Variants in INSR observed in about 807,000 individuals in gnomAD.
INSR encodes insulin receptor, also known as IR.
A neutral mutation model predicts 142.6 loss-of-function variants in INSR; 67 were observed. That is an observed-to-expected ratio of 0.47 (90% confidence interval 0.39 to 0.58). The LOEUF (loss-of-function observed/expected upper bound fraction) is 0.58, where lower values mean the gene tolerates loss of function less well. Among genes scored for constraint, INSR ranks in the 20% least tolerant of loss-of-function variants. The pLI, the probability that INSR is intolerant of heterozygous loss-of-function variation, is 0.00. For missense variants in INSR, 1,248 were observed against 1,833.2 expected (o/e 0.68, Z 5.83); for synonymous variants, 756 against 743.1 (o/e 1.02, Z -0.28).
intron 9 of INSR, among the ~76,000 whole-genome samples, chr19:7,157,809 G>A (rs1294552235): frequency 6.6e-6 from 1 of 151,746 alleles, no homozygotes; most frequent in African/African-American, 2.4e-5. Context: ...TTAATGCCTC[G>A]AGGATAGACA....
chr19:7,209,521 G>C (rs1181768250), intron 2 of INSR, among the ~76,000 whole-genome samples: 1 of 151,968 alleles, frequency 6.6e-6, no homozygotes, highest in Non-Finnish European at 1.5e-5. Context: ...AGGCTTAACT[G>C]ATCCTCCTGC....
intron 9 of INSR, among the ~76,000 whole-genome samples, chr19:7,153,348 A>AT (rs1973482383): frequency 1.7e-4 from 1 of 5,816 alleles, no homozygotes; most frequent in East Asian, 3.4e-3. Flanking sequence ...CACACACCAC[A>AT]GACCACACAC....
rs996793299 is a variant in INSR at position 7,241,395 on chromosome 19, G to A, written c.652+25950C>T. Among the ~76,000 whole-genome samples, 8 of 151,950 alleles carry A rather than the reference G, an allele frequency of 5.3e-5. No homozygotes were observed. The South Asian group carries it at 6.3e-4, about 12-fold the overall frequency. On this transcript the variant is annotated intron_variant, in intron 2 of 21. Coordinates refer to ENST00000302850, the MANE Select transcript of INSR (RefSeq NM_000208.4). ...TGGGGTCTTGCTATATTGCCCAGGC[G>A]GGTGGATCACTGGAGGTCAGGAGTT...
chr19:7,254,087 G>T (rs550166213), intron 2 of INSR, among the ~76,000 whole-genome samples: 1 of 151,828 alleles, frequency 6.6e-6, no homozygotes, highest in South Asian at 2.1e-4. Context: ...TGAGCAAACA[G>T]GTCGGCCTGG....
rs1479688487 is a variant in INSR at position 7,192,768 on chromosome 19, G to A, written c.653-8131C>T. Among the ~76,000 whole-genome samples the A allele has an allele frequency of 6.6e-6, 1 of 152,156 alleles. No homozygotes were observed. Among genetic ancestry groups the A allele is most frequent in the Non-Finnish European group, 1.5e-5 (1 of 68,036 alleles). On this transcript the variant is annotated intron_variant, in intron 2 of 21. Transcript: ENST00000302850. The surrounding 1 kb of genome is among the most constrained non-coding windows in gnomAD (Gnocchi z 4.2). ...CCTTCAAAGCCACATTGAGCTGCTG[G>A]TCCCAATTTTCCCCCAGTTCTCCCT...
intron 9 of INSR, among the ~76,000 whole-genome samples, chr19:7,156,507 G>A (rs878903536): frequency 2.0e-5 from 3 of 152,040 alleles, no homozygotes; most frequent in Admixed American, 2.0e-4. Flanking sequence ...ACCTGGCTGG[G>A]GCGTCCTCCT....
intron 3 of INSR, among the ~76,000 whole-genome samples, chr19:7,177,715 T>TTA: frequency 6.8e-6 from 1 of 148,148 alleles, no homozygotes; most frequent in Non-Finnish European, 1.5e-5. Context: ...TTTTTTTTTT[T>TTA]TTTTTTTTTT....
chr19:7,119,742 G>A lies in INSR; in HGVS notation c.3660-159C>T, dbSNP rs1028120046. ...CATGCAAACACACACGCACATACAC[G>A]TGCACACACATGCAAATACACACAA... is the stretch of plus-strand genomic sequence containing the variant. On this transcript the variant is annotated intron_variant, in intron 20 of 21. Coordinates refer to ENST00000302850, the MANE Select transcript of INSR (RefSeq NM_000208.4). The surrounding 1 kb of genome is among the most constrained non-coding windows in gnomAD (Gnocchi z 5.2). Among the ~76,000 whole-genome samples the A allele has an allele frequency of 7.0e-6, 1 of 142,870 alleles. No homozygotes were observed. The highest frequency in any genetic ancestry group is 2.7e-5 in the African/African-American group (1 of 37,612). The allele number at this position is 142,870 out of a possible 152,430, so 93.7% of individuals were successfully genotyped here.
At position 7,225,506 on chromosome 19, in the gene INSR, C is replaced by T. The variant is rs951444550; in HGVS notation, c.653-40869G>A. Among the ~76,000 whole-genome samples the T allele has an allele frequency of 1.3e-4, 20 of 151,840 alleles. No individual in the cohort carries two copies. The East Asian group carries it at 3.7e-3, about 28-fold the overall frequency. On this transcript the variant is annotated intron_variant, in intron 2 of 21. Transcript: ENST00000302850. The surrounding 1 kb of genome is among the most constrained non-coding windows in gnomAD (Gnocchi z 4.7). ...CAAGAGGGAAGGACCTTTCTGTTTT[C>T]TTCCCTGTGGCTATGTCCTGACTCC...
At chr19:7,241,892 A>G (rs1976358694) in intron 2 of INSR, among the ~76,000 whole-genome samples, 2 of 151,962 alleles carry the variant, frequency 1.3e-5, no homozygotes, top group Non-Finnish European at 2.9e-5. Context: ...AGCCAGGCAC[A>G]GTGGCTCATG....
chr19:7,120,809 C>T, intron 19 of INSR, 60 bp from the exon 20 acceptor site: 1 of 1,598,168 alleles, frequency 6.3e-7, no homozygotes, highest in South Asian at 1.1e-5. Flanking sequence ...GCATCTGCCA[C>T]CTTGACTGCC....
intron 2 of INSR, among the ~76,000 whole-genome samples, chr19:7,255,268 C>T (rs1976853265): frequency 6.6e-6 from 1 of 152,110 alleles, no homozygotes; most frequent in African/African-American, 2.4e-5. Flanking sequence ...TTCGGGGACG[C>T]AACAAAAAGC....
chr19:7,184,771 A>C, intron 2 of INSR, 134 bp from the exon 3 acceptor site: 2 of 589,722 alleles, frequency 3.4e-6, no homozygotes, highest in Non-Finnish European at 5.1e-6. Context: ...AGCCAACCAA[A>C]CACTAACAGT....
chr19:7,194,869 T>G (rs1249771349), intron 2 of INSR, among the ~76,000 whole-genome samples: 3 of 151,990 alleles, frequency 2.0e-5, no homozygotes, highest in Non-Finnish European at 4.4e-5. Flanking sequence ...TTTCTTTTTT[T>G]CATTCAACAA....
chr19:7,150,772 T>G lies in INSR; in HGVS notation c.2232-240A>C, dbSNP rs1482499451. 6.6e-6 allele frequency among the ~76,000 whole-genome samples: 1 copy of G among 152,120 alleles called. No individual in the cohort carries two copies. The highest frequency in any genetic ancestry group is 2.1e-4 in the South Asian group (1 of 4,830). ...TCTCCCCAGAGACGGCCTGCTGAGG[T>G]GGCCCTGGGATGTCAAACGTGACTA... On this transcript the variant is annotated intron_variant, in intron 10 of 21. Transcript: ENST00000302850. This position sits in a 1 kb window ranked among gnomAD's most constrained non-coding sequence, Gnocchi z 4.2.
rs139912396 is a variant in INSR, at chr19:7,142,840, C to A, written c.2518G>T (p.Val840Phe). 12 of 1,613,972 alleles carry A rather than the reference C, an allele frequency of 7.4e-6. No individual in the cohort carries two copies. The South Asian group carries it at 1.3e-4, about 18-fold the overall frequency. The stretch of plus-strand genomic sequence containing the variant: ...CCTTCAGGCATGGTCCTCGCACTGA[C>A]GTAGGCTGCCACACTGCACCGTTCC... ...PEERCSVAAY[V>F]SARTMPEAKA... The change falls in exon 12 of 22, where the codon GTC becomes TTC. Residue 840 changes from valine to phenylalanine, a missense_variant. By Grantham distance (50) the Val-to-Phe change is conservative (BLOSUM62 -1). Around this residue, in one of 3 missense-constraint regions of INSR, gnomAD observed 1,069 missense variants for 1,654.0 expected, o/e 0.65. Transcript: ENST00000302850.
rs529814800 is a variant in INSR, at chr19:7,133,766, A to G, written c.2683-1449T>C. Among the ~76,000 whole-genome samples the G allele has an allele frequency of 1.8e-3, 281 of 152,302 alleles. 1 individual carries two copies. The highest frequency in any genetic ancestry group is 0.01 in the Middle Eastern group (3 of 294). Reference sequence around the variant, plus strand: ...TAATCCCAGCTACTTGGAGGGTGAGACAGGAGAATTACTTGAACCCAGGAG... The same window carrying G: ...TAATCCCAGCTACTTGGAGGGTGAGGCAGGAGAATTACTTGAACCCAGGAG... On this transcript the variant is annotated intron_variant, in intron 13 of 21. Coordinates refer to ENST00000302850, the MANE Select transcript of INSR (RefSeq NM_000208.4).
At chr19:7,240,100 G>A (rs1302513381) in intron 2 of INSR, among the ~76,000 whole-genome samples, 2 of 152,118 alleles carry the variant, frequency 1.3e-5, no homozygotes, top group African/African-American at 4.8e-5. Flanking sequence ...TGTGCTTTAC[G>A]TGCAAAATAC....
In INSR at chr19:7,125,285, C is replaced by T. The variant is rs777937157; in HGVS notation, c.3256G>A (p.Val1086Met). ...SVMKGFTCHHVVRLLGVVSKG... is the reference protein window; with the variant it reads ...SVMKGFTCHHMVRLLGVVSKG... ...TGTCCCACCCCCACTGGACTCACCA[C>T]GTGATGGCAGGTGAAGCCCTTCATG... is the stretch of plus-strand genomic sequence containing the variant. Residue 1086 changes from valine to methionine, a missense_variant and splice_region_variant, in exon 17 of 22, where the codon GTG becomes ATG. By Grantham distance (21) the Val-to-Met change is conservative. Around this residue, in one of 3 missense-constraint regions of INSR, gnomAD observed 1,069 missense variants for 1,654.0 expected, o/e 0.65. Transcript: ENST00000302850. This position sits in a 1 kb window ranked among gnomAD's most constrained non-coding sequence, Gnocchi z 4.9. 13 of 1,613,910 alleles carry T rather than the reference C, an allele frequency of 8.1e-6. No homozygotes were observed. The highest frequency in any genetic ancestry group is 2.7e-5 in the African/African-American group (2 of 74,900).
Sources: allele counts gnomAD v4.1 joint callset (sites outside exome capture counted in the v4.1 genomes callset), GRCh38; gene constraint gnomAD v4.1.1; regional missense constraint gnomAD v4.1.1; non-coding constraint Gnocchi (gnomAD v3.1); transcripts MANE v1.5; gene names NCBI Gene and HGNC (gene_info 2026-07-23, HGNC 2026-07-21).